Variants in ARFGAP3 observed in about 807,000 individuals in gnomAD.
ARFGAP3 encodes ARF GTPase activating protein 3.
In ARFGAP3, 72 loss-of-function variants were observed where a neutral mutation model predicts 75.0. The ratio of observed to expected loss-of-function variants is 0.96; its 90% CI spans 0.79 to 1.17. ARFGAP3 has a LOEUF of 1.17. ARFGAP3 is among the 50% of genes most tolerant of loss of function. The pLI is 0.00. For synonymous variants in ARFGAP3, 221 were observed against 217.9 expected (o/e 1.01, Z -0.13); for missense variants, 620 against 626.6 (o/e 0.99, Z 0.11).
intron 7 of ARFGAP3, 45 bp from the exon 8 acceptor site, chr22:42,823,747 T>A (rs1602108067): frequency 6.9e-7 from 1 of 1,456,562 alleles, no homozygotes; most frequent in East Asian, 2.5e-5. Flanking sequence ...TAGAAATAAT[T>A]TTTCTTTTTT....
intron 1 of ARFGAP3, among the ~76,000 whole-genome samples, chr22:42,850,576 A>T (rs929200696): frequency 6.9e-6 from 1 of 145,502 alleles, no homozygotes; most frequent in Admixed American, 6.7e-5. Flanking sequence ...GCTATCAAAA[A>T]AAAAAAAAAA....
chr22:42,840,031 A>G (rs1369674258), intron 3 of ARFGAP3, among the ~76,000 whole-genome samples: 2 of 151,888 alleles, frequency 1.3e-5, no homozygotes, highest in Non-Finnish European at 2.9e-5. Context: ...CCCAGGCTCA[A>G]GAGATCCTCC....
intron 15 of ARFGAP3, among the ~76,000 whole-genome samples, chr22:42,798,109 A>T (rs954902048): frequency 6.6e-6 from 1 of 152,228 alleles, no homozygotes; most frequent in African/African-American, 2.4e-5. Flanking sequence ...TAAAATAGGG[A>T]TGTTACCTAT....
At chr22:42,800,192 C>A (rs778288777) in intron 14 of ARFGAP3, among the ~76,000 whole-genome samples, 4 of 152,104 alleles carry the variant, frequency 2.6e-5, no homozygotes, top group Admixed American at 6.5e-5. Context: ...AGTAGCCACG[C>A]CCAGCTACTC....
intron 1 of ARFGAP3, 114 bp downstream of exon 1, chr22:42,857,000 T>C (rs1927534822): frequency 4.2e-5 from 45 of 1,064,212 alleles, no homozygotes; most frequent in South Asian, 1.1e-4. Context: ...CAGTGCGACG[T>C]GTCACAGGCC....
At chr22:42,838,275 C>CACATATAT (rs147134739) in intron 3 of ARFGAP3, among the ~76,000 whole-genome samples, 20 of 137,890 alleles carry the variant, frequency 1.5e-4, no homozygotes, top group African/African-American at 3.9e-4. Flanking sequence ...TACACACACA[C>CACATATAT]ATATATATAT....
rs141715009 is a variant in ARFGAP3 at position 42,853,387 on chromosome 22, C to T, written c.69+3727G>A. 3.5e-3 allele frequency: 751 copies of T among 217,190 alleles called. 2 individuals are homozygous for T. Among genetic ancestry groups the T allele is most frequent in the Non-Finnish European group, 5.9e-3 (598 of 101,506 alleles). The allele number at this position is 217,190 out of a possible 1,614,324, so 13.5% of individuals were successfully genotyped here. A position where few individuals can be genotyped will look rare whatever the true frequency, so the allele number is the denominator to read the frequency against. ...TAGAAGAAAGCTGGGTCTTTTGGATCGTTTCTACTCCTTTTTCACTTCTTC... is the reference window on the plus strand; with the variant it reads ...TAGAAGAAAGCTGGGTCTTTTGGATTGTTTCTACTCCTTTTTCACTTCTTC... On this transcript the variant is annotated intron_variant, in intron 1 of 15. Transcript: ENST00000263245.
chr22:42,838,170 T>C (rs1236441162), intron 3 of ARFGAP3, among the ~76,000 whole-genome samples: 1 of 151,776 alleles, frequency 6.6e-6, no homozygotes, highest in Non-Finnish European at 1.5e-5. Flanking sequence ...TTGATTTTTA[T>C]GCTTAGGGAC....
In ARFGAP3 at chr22:42,797,568, TA is replaced by T. The variant is rs1177556524; in HGVS notation, c.*19del. On this transcript the variant is annotated 3_prime_UTR_variant, in exon 16 of 16. Coordinates refer to ENST00000263245, the MANE Select transcript of ARFGAP3 (RefSeq NM_014570.5). ...TTTAAAGAGGAATTTCTCCAGGAAA[TA>T]CACATCATGACTTCAGTATTAAGAA... is the stretch of plus-strand genomic sequence containing the variant. 6.2e-7 allele frequency: 1 copy of T among 1,613,978 alleles called. No homozygotes were observed. The highest frequency in any genetic ancestry group is 1.3e-5 in the African/African-American group (1 of 74,918).
At chr22:42,834,171 T>C (rs2146564558) in intron 5 of ARFGAP3, 71 bp downstream of exon 5, 3 of 1,410,826 alleles carry the variant, frequency 2.1e-6, no homozygotes, top group Non-Finnish European at 3.0e-6. Context: ...CATCCTAACA[T>C]TTTAAATATG....
intron 1 of ARFGAP3, among the ~76,000 whole-genome samples, chr22:42,856,426 C>T (rs539092278): frequency 1.3e-5 from 2 of 152,316 alleles, no homozygotes; most frequent in Non-Finnish European, 2.9e-5. Flanking sequence ...ACCTTAGCCC[C>T]CTGCGTCACC....
At position 42,845,810 on chromosome 22, in the gene ARFGAP3, G is replaced by C. The variant is rs139919802; in HGVS notation, c.188+1704C>G. ...ATCCCAACACTTTGGGAGGACGAGG[G>C]GGGTGGATCACAAGGTCAGGAGATC... On this transcript the variant is annotated intron_variant, in intron 2 of 15. Transcript: ENST00000263245. Among the ~76,000 whole-genome samples, 105 of 152,016 alleles carry C rather than the reference G, an allele frequency of 6.9e-4. 2 individuals carry two copies. The East Asian group carries it at 0.017, about 25-fold the overall frequency.
intron 14 of ARFGAP3, 189 bp from the exon 15 acceptor site, chr22:42,799,349 C>A (rs1924754382): frequency 1.7e-6 from 1 of 585,920 alleles, no homozygotes; most frequent in East Asian, 1.4e-4. Flanking sequence ...ATGAGAGAAT[C>A]CACACGACAG....
Position 42,857,120 on chromosome 22 carries a change from A to C in ARFGAP3, c.63T>G (p.Thr21=), listed in dbSNP as rs202191161. 155 of 1,514,084 alleles carry C rather than the reference A, an allele frequency of 1.0e-4. 1 individual carries two copies. Among genetic ancestry groups the C allele is most frequent in the Non-Finnish European group, 3.3e-5 (37 of 1,129,574 alleles). 93.8% of individuals were successfully genotyped at this position (1,514,084 alleles called of 1,614,324 possible). Residue 21 remains threonine, a synonymous_variant, in exon 1 of 16, where the codon ACT becomes ACG. Transcript: ENST00000263245. The part of the protein sequence containing the change: ...TIFKRLRSVP[T]NKVCFDCGAK... ...ACTCGCCCGCGGCCGCTACCTTGTT[A>C]GTGGGCACCGAGCGGAGGCGCTTGA...
At chr22:42,842,872 C>T (rs1336724072) in intron 2 of ARFGAP3, among the ~76,000 whole-genome samples, 1 of 152,100 alleles carries the variant, frequency 6.6e-6, no homozygotes, top group Admixed American at 6.6e-5. Flanking sequence ...GTCCACCGAG[C>T]AGGAGCCCAG....
chr22:42,828,953 G>A lies in ARFGAP3; in HGVS notation c.566-1954C>T, dbSNP rs1162241363. 2.0e-5 allele frequency among the ~76,000 whole-genome samples: 3 copies of A among 152,182 alleles called. No individual in the cohort carries two copies. In the East Asian group the frequency reaches 5.8e-4, roughly 29 times the overall value. ...ACCCGCCTCAGCCATCCAAAGTGTTGGGATTATAGGCGTGAGCCACTGTGC... is the reference window on the plus strand; with the variant it reads ...ACCCGCCTCAGCCATCCAAAGTGTTAGGATTATAGGCGTGAGCCACTGTGC... On this transcript the variant is annotated intron_variant, in intron 6 of 15. Transcript: ENST00000263245.
chr22:42,807,388 A>C, intron 13 of ARFGAP3: 4 of 390,400 alleles, frequency 1.0e-5, no homozygotes, highest in Non-Finnish European at 1.4e-5. Flanking sequence ...ACAACACCTC[A>C]GCCACGATGG....
intron 2 of ARFGAP3, among the ~76,000 whole-genome samples, chr22:42,844,023 A>G (rs1926898188): frequency 1.3e-5 from 2 of 152,120 alleles, no homozygotes; most frequent in Non-Finnish European, 1.5e-5. Flanking sequence ...AAGAAAAAAA[A>G]CTCCAGTTAA....
intron 5 of ARFGAP3, 163 bp from the exon 6 acceptor site, chr22:42,831,799 T>C: frequency 8.7e-6 from 12 of 1,375,832 alleles, no homozygotes; most frequent in Non-Finnish European, 1.1e-5. Flanking sequence ...CTTTTTTTTT[T>C]AGAAACAGGG....
Sources: allele counts gnomAD v4.1 joint callset (sites outside exome capture counted in the v4.1 genomes callset), GRCh38; gene constraint gnomAD v4.1.1; transcripts MANE v1.5; gene names NCBI Gene and HGNC (gene_info 2026-07-23, HGNC 2026-07-21).